UBE2J2: variants seen among roughly 807,000 people sequenced by gnomAD.
The protein encoded by UBE2J2 is ubiquitin-conjugating enzyme E2 J2.
Under a neutral mutation model 28.6 loss-of-function variants are expected in UBE2J2, and 5 were observed. The ratio of observed to expected loss-of-function variants is 0.17; its 90% CI spans 0.09 to 0.37. The LOEUF is 0.37. Among genes scored for constraint, UBE2J2 ranks in the 10% least tolerant of loss-of-function variants. UBE2J2 has a pLI of 1.00. For missense variants in UBE2J2, 226 were observed against 338.9 expected, an observed-to-expected ratio of 0.67 and a Z score of 2.62; for synonymous variants, 138 against 139.7, an observed-to-expected ratio of 0.99 and a Z score of 0.09.
chr1:1,265,347 G>C (rs1178537168), intron 2 of UBE2J2, among the ~76,000 whole-genome samples: 1 of 152,208 alleles, frequency 6.6e-6, no homozygotes. Context: ...TGCTCTCCTG[G>C]AAGTCTGGTA....
At chr1:1,269,846 C>T (rs1452670184) in intron 1 of UBE2J2, among the ~76,000 whole-genome samples, 1 of 152,166 alleles carries the variant, frequency 6.6e-6, no homozygotes, top group Non-Finnish European at 1.5e-5. Flanking sequence ...TCCTGACCTC[C>T]CAGTTCCCAC....
At chr1:1,265,045 C>A (rs189989619) in intron 2 of UBE2J2, among the ~76,000 whole-genome samples, 1 of 152,168 alleles carries the variant, frequency 6.6e-6, no homozygotes, top group African/African-American at 2.4e-5. Flanking sequence ...GAGCTCAGCA[C>A]GCGATGCACC....
intron 3 of UBE2J2, among the ~76,000 whole-genome samples, chr1:1,260,270 A>T (rs1023677812): frequency 2.0e-5 from 3 of 152,264 alleles, no homozygotes; most frequent in Non-Finnish European, 4.4e-5. Flanking sequence ...GCCAAACTGG[A>T]AAGTGAGTGA....
intron 2 of UBE2J2, among the ~76,000 whole-genome samples, chr1:1,266,581 G>A (rs371365358): frequency 5.3e-5 from 8 of 152,220 alleles, no homozygotes; most frequent in African/African-American, 1.9e-4. Context: ...CAGCATTCTG[G>A]GAGGCCAAGG....
At chr1:1,261,669 G>C (rs377660162) in intron 3 of UBE2J2, among the ~76,000 whole-genome samples, 13 of 52,366 alleles carry the variant, frequency 2.5e-4, no homozygotes, top group Admixed American at 1.5e-3. Flanking sequence ...TTTTTTTTTT[G>C]AGATGGAGTT....
rs139037223 is a variant in UBE2J2, at chr1:1,269,716, G to A, written c.1-1724C>T. ...TGACCTCAGGTAATCTGCCCACCTC[G>A]GCCTCCCAAAGTGCTGGGATTACAG... is the stretch of plus-strand genomic sequence containing the variant. On this transcript the variant is annotated intron_variant, in intron 1 of 6. Coordinates refer to ENST00000349431, the MANE Select transcript of UBE2J2 (RefSeq NM_058167.3). Among the ~76,000 whole-genome samples, 675 of 152,086 alleles carry A rather than the reference G, an allele frequency of 4.4e-3. 6 individuals are homozygous for A. Among genetic ancestry groups the A allele is most frequent in the African/African-American group, 0.015 (632 of 41,488 alleles).
At chr1:1,266,276 T>G in intron 2 of UBE2J2, 1 of 867,610 alleles carries the variant, frequency 1.2e-6, no homozygotes, top group Non-Finnish European at 1.5e-6. Context: ...TTCAACTCAC[T>G]GAAATATCTT....
chr1:1,269,933 T>G (rs1640062882), intron 1 of UBE2J2, among the ~76,000 whole-genome samples: 1 of 152,150 alleles, frequency 6.6e-6, no homozygotes, highest in Non-Finnish European at 1.5e-5. Context: ...TATATTGACT[T>G]GTAATCCCCA....
intron 2 of UBE2J2, among the ~76,000 whole-genome samples, chr1:1,264,995 C>A (rs1156859192): frequency 6.6e-6 from 1 of 152,134 alleles, no homozygotes; most frequent in Non-Finnish European, 1.5e-5. Flanking sequence ...TCAAAAAATG[C>A]CATTATCATG....
intron 3 of UBE2J2, chr1:1,262,254 C>T (rs545412180): frequency 1.1e-5 from 5 of 449,832 alleles, no homozygotes; most frequent in East Asian, 7.0e-5. Flanking sequence ...CACCTGCTCC[C>T]GGGCCTTATC....
chr1:1,266,547 C>T (rs188868131), intron 2 of UBE2J2, among the ~76,000 whole-genome samples: 11 of 152,078 alleles, frequency 7.2e-5, no homozygotes, highest in South Asian at 4.2e-4. Flanking sequence ...TAAGGCCGGG[C>T]GTGGTGGCTC....
intron 3 of UBE2J2, among the ~76,000 whole-genome samples, chr1:1,260,112 G>A (rs764480366): frequency 9.2e-5 from 14 of 152,178 alleles, no homozygotes; most frequent in Non-Finnish European, 1.5e-5. Flanking sequence ...TGGCATTCGA[G>A]GACACGCAGG....
At chr1:1,256,714 T>C (rs1188500271) in intron 5 of UBE2J2, among the ~76,000 whole-genome samples, 1 of 151,074 alleles carries the variant, frequency 6.6e-6, no homozygotes. Flanking sequence ...ACCCCGTCTC[T>C]ACTAAAAATA....
At chr1:1,257,335 G>C (rs962792626) in intron 3 of UBE2J2, 25 bp from the exon 4 acceptor site, 1 of 1,510,450 alleles carries the variant, frequency 6.6e-7, no homozygotes, top group Non-Finnish European at 9.1e-7. Flanking sequence ...AACAGAAAGG[G>C]CCTTGTCGTC....
intron 2 of UBE2J2, among the ~76,000 whole-genome samples, chr1:1,266,576 T>A (rs777464166): frequency 6.6e-6 from 1 of 151,620 alleles, no homozygotes; most frequent in Admixed American, 6.6e-5. Flanking sequence ...AATCCCAGCA[T>A]TCTGGGAGGC....
rs1464111425 is a variant in UBE2J2 at position 1,254,475 on chromosome 1, G to T, written c.*728C>A. On this transcript the variant is annotated 3_prime_UTR_variant, in exon 7 of 7. Transcript: ENST00000349431. ...GGTACCCAAGGCCCCCCAGCCTGCA[G>T]CACCGAGGGGCGCCCAGGAGGCCCG... 1 of 152,320 alleles carries T rather than the reference G, an allele frequency of 6.6e-6. No homozygotes were observed. Among genetic ancestry groups the T allele is most frequent in the Non-Finnish European group, 1.5e-5 (1 of 68,112 alleles). The allele number at this position is 152,320 out of a possible 1,614,324, so 9.4% of individuals were successfully genotyped here. A position where few individuals can be genotyped will look rare whatever the true frequency, so the allele number is the denominator to read the frequency against.
intron 1 of UBE2J2, among the ~76,000 whole-genome samples, chr1:1,271,974 CAAAAAAAAAA>C (rs60924258): frequency 0.1 from 2,780 of 27,630 alleles, 156 homozygotes; most frequent in African/African-American, 0.2. Flanking sequence ...AACTCCGTCT[CAAAAAAAAAA>C]AAAAAAAAAA....
At chr1:1,256,533 C>T (rs1229587732) in intron 5 of UBE2J2, among the ~76,000 whole-genome samples, 1 of 152,194 alleles carries the variant, frequency 6.6e-6, no homozygotes, top group Non-Finnish European at 1.5e-5. Context: ...AAAGCAGTCT[C>T]CACGACAGTG....
chr1:1,257,412 G>A, intron 3 of UBE2J2, 102 bp from the exon 4 acceptor site: 1 of 514,180 alleles, frequency 1.9e-6, no homozygotes, highest in Non-Finnish European at 3.0e-6. Context: ...CCCCCCCTCA[G>A]CTCGGCTCCC....
Sources: allele counts gnomAD v4.1 joint callset (sites outside exome capture counted in the v4.1 genomes callset), GRCh38; gene constraint gnomAD v4.1.1; transcripts MANE v1.5; gene names NCBI Gene and HGNC (gene_info 2026-07-23, HGNC 2026-07-21).